Variants in MARK1 observed in about 807,000 individuals in gnomAD.
The protein encoded by MARK1 is microtubule affinity regulating kinase 1, also known as serine/threonine-protein kinase MARK1.
MARK1 carries 40 observed loss-of-function variants against 96.3 expected under a neutral mutation model. That is an observed-to-expected ratio of 0.42 (90% CI 0.32 to 0.54). The LOEUF (loss-of-function observed/expected upper bound fraction) is 0.54, where lower values mean the gene tolerates loss of function less well. Ranked by LOEUF, MARK1 falls within the 20% of genes least tolerant of loss-of-function variation. MARK1 has a pLI of 0.16. For missense variants in MARK1, 719 were observed against 984.6 expected, an observed-to-expected ratio of 0.73 and a Z score of 3.61; for synonymous variants, 317 against 341.2, an observed-to-expected ratio of 0.93 and a Z score of 0.78.
chr1:220,655,350 G>C (rs6699196), intron 16 of MARK1, among the ~76,000 whole-genome samples: 123,813 of 152,138 alleles, frequency 0.81, 51,089 homozygotes, highest in African/African-American at 0.95. Context: ...ACATCTTTCT[G>C]CTGAACTGCA....
At chr1:220,630,950 G>A in intron 9 of MARK1, 85 bp from the exon 10 acceptor site, 1 of 924,114 alleles carries the variant, frequency 1.1e-6, no homozygotes, top group Non-Finnish European at 1.7e-6. Context: ...GAGTGAACTA[G>A]TAATTTTACA....
At chr1:220,564,371 AGC>A (rs1452523810) in intron 1 of MARK1, among the ~76,000 whole-genome samples, 2 of 152,204 alleles carry the variant, frequency 1.3e-5, no homozygotes, top group Non-Finnish European at 2.9e-5. Context: ...ATCTGTTGTG[AGC>A]TGAGTATCTG....
At chr1:220,645,223 A>G (rs1245330681) in intron 13 of MARK1, among the ~76,000 whole-genome samples, 1 of 152,180 alleles carries the variant, frequency 6.6e-6, no homozygotes, top group Non-Finnish European at 1.5e-5. Flanking sequence ...CAATCAAATG[A>G]TAAGGAGGAT....
intron 9 of MARK1, chr1:220,627,918 A>G (rs1667442220): frequency 6.6e-6 from 1 of 152,262 alleles, no homozygotes; most frequent in Admixed American, 6.5e-5. Context: ...AGGTGAGCCA[A>G]GAAACTCACA....
chr1:220,531,590 A>G (rs1362353445), intron 1 of MARK1, among the ~76,000 whole-genome samples: 1 of 152,196 alleles, frequency 6.6e-6, no homozygotes, highest in African/African-American at 2.4e-5. Flanking sequence ...ATAAATAAAA[A>G]TCCCAAAAGA....
chr1:220,652,284 T>A (rs1668924279), intron 15 of MARK1, 134 bp downstream of exon 15: 3 of 611,956 alleles, frequency 4.9e-6, no homozygotes, highest in East Asian at 3.2e-5. Flanking sequence ...GAGGAAAAAT[T>A]GAATTGTAAC....
chr1:220,629,113 A>G (rs544835614), intron 9 of MARK1, among the ~76,000 whole-genome samples: 2 of 152,240 alleles, frequency 1.3e-5, no homozygotes, highest in South Asian at 4.1e-4. Context: ...AAAGATATAT[A>G]TATGGGAAGT....
Position 220,604,064 on chromosome 1 carries a change from C to T in MARK1, c.425-3C>T, listed in dbSNP as rs780702606. ...TACTACCTGCTTTACCTTTCTGATTCAGGTGAAGTATTTGATTACTTAGTT... is the reference window on the plus strand; with the variant it reads ...TACTACCTGCTTTACCTTTCTGATTTAGGTGAAGTATTTGATTACTTAGTT... On this transcript the variant is annotated splice_polypyrimidine_tract_variant and splice_region_variant and intron_variant, in intron 5 of 17. Transcript: ENST00000366917. 3.8e-6 allele frequency: 6 copies of T among 1,599,696 alleles called. No homozygotes were observed. The South Asian group carries it at 4.5e-5, about 12-fold the overall frequency.
chr1:220,592,219 C>CATATCATATT lies in MARK1; in HGVS notation c.310-6108_310-6107insCATATTATAT, dbSNP rs959896118. 2.3e-3 allele frequency among the ~76,000 whole-genome samples: 314 copies of CATATCATATT among 136,516 alleles called. 1 individual carries two copies. Among genetic ancestry groups the CATATCATATT allele is most frequent in the African/African-American group, 7.7e-3 (287 of 37,138 alleles). The allele number at this position is 136,516 out of a possible 152,430, so 89.6% of individuals were successfully genotyped here. ...TGGAATTTCACTGTCATGATTATAT[C>CATATCATATT]ATATTATATTATATTATATTATATT... On this transcript the variant is annotated intron_variant, in intron 3 of 17. Transcript: ENST00000366917.
intron 3 of MARK1, among the ~76,000 whole-genome samples, chr1:220,594,335 A>G (rs1296055455): frequency 6.6e-6 from 1 of 152,260 alleles, no homozygotes; most frequent in Non-Finnish European, 1.5e-5. Context: ...ATACTGCTAC[A>G]TACCTATTAG....
chr1:220,632,782 T>C (rs1363308447), intron 11 of MARK1, among the ~76,000 whole-genome samples: 1 of 152,180 alleles, frequency 6.6e-6, no homozygotes, highest in African/African-American at 2.4e-5. Flanking sequence ...ATGCTTTCAA[T>C]TGGGAATTCT....
Position 220,598,314 on chromosome 1 carries a change from C to T in MARK1, c.310-17C>T, listed in dbSNP as rs757566275. ...TTTTTTTTTAACAGAAATATATCTA[C>T]CTGTTTTCTTTAACAGTTATTTCGA... On this transcript the variant is annotated splice_polypyrimidine_tract_variant and intron_variant, in intron 3 of 17. Coordinates refer to ENST00000366917, the MANE Select transcript of MARK1 (RefSeq NM_018650.5). 9.8e-6 allele frequency: 6 copies of T among 614,534 alleles called. No homozygotes were observed. The highest frequency in any genetic ancestry group is 1.7e-5 in the Non-Finnish European group (6 of 351,210). 38.1% of individuals were successfully genotyped at this position (614,534 alleles called of 1,614,324 possible).
At chr1:220,626,122 G>T in intron 9 of MARK1, 1 of 617,846 alleles carries the variant, frequency 1.6e-6, no homozygotes, top group South Asian at 1.5e-5. Flanking sequence ...GCAGCAGATA[G>T]ACATCGCTGT....
chr1:220,602,340 A>G (rs1665798662), intron 5 of MARK1, among the ~76,000 whole-genome samples: 1 of 152,188 alleles, frequency 6.6e-6, no homozygotes, highest in South Asian at 2.1e-4. Flanking sequence ...TTCAAACAAC[A>G]TTTATAAAAT....
At chr1:220,533,622 T>A (rs1660476541) in intron 1 of MARK1, among the ~76,000 whole-genome samples, 1 of 152,200 alleles carries the variant, frequency 6.6e-6, no homozygotes, top group Non-Finnish European at 1.5e-5. Context: ...GTTGATAGTT[T>A]GATTTCTTTC....
Position 220,606,144 on chromosome 1 carries a change from G to C in MARK1, c.495+2007G>C, listed in dbSNP as rs371963413. On this transcript the variant is annotated intron_variant, in intron 6 of 17. Coordinates refer to ENST00000366917, the MANE Select transcript of MARK1 (RefSeq NM_018650.5). ...ACACTCCCACCCACAGTGTAAAAGC[G>C]TTCCTATTTCTCCACATCCTCTCCA... Among the ~76,000 whole-genome samples, 29 of 152,278 alleles carry C rather than the reference G, an allele frequency of 1.9e-4. 1 individual carries two copies. Among genetic ancestry groups the C allele is most frequent in the African/African-American group, 7.0e-4 (29 of 41,558 alleles).
chr1:220,594,209 G>A (rs1665175244), intron 3 of MARK1, among the ~76,000 whole-genome samples: 1 of 152,194 alleles, frequency 6.6e-6, no homozygotes, highest in South Asian at 2.1e-4. Flanking sequence ...TAACACATAG[G>A]TGAAGGATCT....
At chr1:220,656,341 C>CA (rs1205163770) in intron 16 of MARK1, among the ~76,000 whole-genome samples, 1 of 152,212 alleles carries the variant, frequency 6.6e-6, no homozygotes, top group Non-Finnish European at 1.5e-5. Context: ...CAGTCAATTA[C>CA]AGCAGAGGAG....
In MARK1 at chr1:220,648,053, G is replaced by A. The variant is rs1453993750; in HGVS notation, c.1471-2567G>A. 1.1e-4 allele frequency among the ~76,000 whole-genome samples: 16 copies of A among 146,354 alleles called. No individual in the cohort carries two copies. In the East Asian group the frequency reaches 2.8e-3, roughly 25 times the overall value. On this transcript the variant is annotated intron_variant, in intron 13 of 17. Transcript: ENST00000366917. ...ATGTACCCTGGAACTTATAAAATAA[G>A]ATTTAAAAATTAAAAAAAAAAAAGA...
Sources: allele counts gnomAD v4.1 joint callset (sites outside exome capture counted in the v4.1 genomes callset), GRCh38; gene constraint gnomAD v4.1.1; transcripts MANE v1.5; gene names NCBI Gene and HGNC (gene_info 2026-07-23, HGNC 2026-07-21).